PSMD12: variants seen among roughly 807,000 people sequenced by gnomAD.
PSMD12 encodes the protein 26S proteasome non-ATPase regulatory subunit 12.
In PSMD12, 8 loss-of-function variants were observed where a neutral mutation model predicts 62.9. The ratio of observed to expected loss-of-function variants is 0.13; its 90% CI spans 0.07 to 0.23. The LOEUF is 0.23. Among genes scored for constraint, PSMD12 ranks in the 10% least tolerant of loss-of-function variants. PSMD12 has a pLI of 1.00. For synonymous variants in PSMD12, 173 were observed against 187.4 expected (o/e 0.92, Z 0.63); for missense variants, 424 against 550.2 (o/e 0.77, Z 2.29).
At chr17:67,362,225 T>C (rs1206832132) in intron 1 of PSMD12, among the ~76,000 whole-genome samples, 1 of 152,140 alleles carries the variant, frequency 6.6e-6, no homozygotes, top group African/African-American at 2.4e-5. Context: ...ATACCATATC[T>C]TTACAGTGCA....
At chr17:67,360,918 T>C (rs1418623094) in intron 1 of PSMD12, among the ~76,000 whole-genome samples, 1 of 152,250 alleles carries the variant, frequency 6.6e-6, no homozygotes, top group African/African-American at 2.4e-5. Flanking sequence ...TTTCATTTAA[T>C]ACAATTTCCA....
At position 67,366,395 on chromosome 17, in the gene PSMD12, A is replaced by G. The variant is rs1420675960; in HGVS notation, c.108+17T>C. 7 of 1,602,980 alleles carry G rather than the reference A, an allele frequency of 4.4e-6. No homozygotes were observed. The highest frequency in any genetic ancestry group is 1.3e-5 in the African/African-American group (1 of 74,676). On this transcript the variant is annotated intron_variant, in intron 1 of 10. Coordinates refer to ENST00000356126, the MANE Select transcript of PSMD12 (RefSeq NM_002816.5). ...CAGCCCCTGGCGCCCGCCAACAGCC[A>G]GCCGGCCTCTCCTCACCTTGGCTAG...
chr17:67,347,776 C>T (rs1056705615), intron 5 of PSMD12, among the ~76,000 whole-genome samples: 1 of 152,094 alleles, frequency 6.6e-6, no homozygotes, highest in Non-Finnish European at 1.5e-5. Context: ...TCATACTGTC[C>T]CTTTATAATC....
intron 9 of PSMD12, among the ~76,000 whole-genome samples, chr17:67,343,987 A>G (rs913703419): frequency 2.0e-5 from 3 of 151,650 alleles, no homozygotes; most frequent in Admixed American, 1.3e-4. Flanking sequence ...CACAGGTGTG[A>G]GCCACCACGC....
intron 3 of PSMD12, among the ~76,000 whole-genome samples, chr17:67,356,294 GATAAT>G (rs1161872081): frequency 2.6e-5 from 4 of 151,900 alleles, no homozygotes; most frequent in Admixed American, 2.6e-4. Context: ...CATATATTGG[GATAAT>G]ATAAGAAAAT....
chr17:67,357,661 A>G, intron 1 of PSMD12, 83 bp from the exon 2 acceptor site: 2 of 1,401,376 alleles, frequency 1.4e-6, no homozygotes, highest in Non-Finnish European at 2.0e-6. Flanking sequence ...TTTGACACAG[A>G]AAAGGAAAAA....
rs189100103 is a variant in PSMD12, at chr17:67,349,209, G to T, written c.406-555C>A. Among the ~76,000 whole-genome samples the T allele has an allele frequency of 1.6e-3, 244 of 152,238 alleles. 1 individual carries two copies. The highest frequency in any genetic ancestry group is 2.7e-3 in the Non-Finnish European group (186 of 68,008). ...TAATTTTGTATTTTTAGTAGAGAGG[G>T]TGTTTCTCCATGTTGGTCAAGCTGG... is the stretch of plus-strand genomic sequence containing the variant. On this transcript the variant is annotated intron_variant, in intron 4 of 10. Transcript: ENST00000356126.
At chr17:67,345,893 G>T in intron 7 of PSMD12, 36 bp from the exon 8 acceptor site, 2 of 1,517,140 alleles carry the variant, frequency 1.3e-6, no homozygotes, top group South Asian at 2.3e-5. Flanking sequence ...ATGCAAGACT[G>T]GACATAATGG....
intron 9 of PSMD12, among the ~76,000 whole-genome samples, chr17:67,344,136 C>T (rs192721003): frequency 2.0e-5 from 3 of 152,274 alleles, no homozygotes; most frequent in Admixed American, 6.5e-5. Context: ...GGCAGTGATA[C>T]TAAAAAGATC....
At chr17:67,351,335 T>G (rs2042015098) in intron 3 of PSMD12, among the ~76,000 whole-genome samples, 2 of 151,596 alleles carry the variant, frequency 1.3e-5, no homozygotes, top group Middle Eastern at 3.4e-3. Context: ...GAGCTTGCAG[T>G]AAGCCAAGAT....
chr17:67,357,305 G>C lies in PSMD12; in HGVS notation c.295C>G (p.Gln99Glu), dbSNP rs1157615340. Residue 99 changes from glutamine (Q) to glutamate (E), a missense_variant and splice_region_variant, in exon 3 of 11, where the codon CAA (glutamine) becomes GAA (glutamate). Coordinates refer to ENST00000356126, the MANE Select transcript of PSMD12 (RefSeq NM_002816.5). ...LLSKRRSQLKQAVAKMVQQCC... is the reference protein window; with the variant it reads ...LLSKRRSQLKEAVAKMVQQCC... ...AGCAGACATGATCATGAACTCACTT[G>C]TTTTAACTGACTCCGCCTTTTGGAC... 1 of 1,611,168 alleles carries C rather than the reference G, an allele frequency of 6.2e-7. No individual in the cohort carries two copies. Among genetic ancestry groups the C allele is most frequent in the Non-Finnish European group, 8.5e-7 (1 of 1,179,542 alleles).
chr17:67,348,608 G>C lies in PSMD12; in HGVS notation c.452C>G (p.Thr151Ser), dbSNP rs763447217. 9.9e-6 allele frequency: 16 copies of C among 1,613,448 alleles called. No individual in the cohort carries two copies. The highest frequency in any genetic ancestry group is 1.4e-5 in the Non-Finnish European group (16 of 1,179,952). Residue 151 changes from threonine to serine, a missense_variant, in exon 5 of 11, where the codon ACT (threonine) becomes AGT (serine). Transcript: ENST00000356126. ...ERARLTKTLA[T>S]IKEQNGDVKE... ...CACATCACCATTTTGTTCTTTTATA[G>C]TTGCTAATGTTTTAGTCAGTCGCGC... is the stretch of plus-strand genomic sequence containing the variant.
At chr17:67,356,522 C>T (rs1412427937) in intron 3 of PSMD12, among the ~76,000 whole-genome samples, 1 of 112,484 alleles carries the variant, frequency 8.9e-6, no homozygotes, top group Non-Finnish European at 1.7e-5. Flanking sequence ...CGCGCCACTG[C>T]ACTCCAGCCT....
chr17:67,365,064 G>T (rs1409678353), intron 1 of PSMD12, among the ~76,000 whole-genome samples: 1 of 151,912 alleles, frequency 6.6e-6, no homozygotes, highest in African/African-American at 2.4e-5. Context: ...GGCACCTGTA[G>T]TCCTAGCTAC....
At chr17:67,353,721 G>C (rs2042041163) in intron 3 of PSMD12, among the ~76,000 whole-genome samples, 1 of 152,158 alleles carries the variant, frequency 6.6e-6, no homozygotes, top group South Asian at 2.1e-4. Context: ...AGACATTTAT[G>C]TTTCCTAAGA....
chr17:67,357,979 T>C (rs1258546573), intron 1 of PSMD12, among the ~76,000 whole-genome samples: 1 of 152,028 alleles, frequency 6.6e-6, no homozygotes, highest in Admixed American at 6.6e-5. Context: ...TGAAGTGCAG[T>C]GGCACCATCT....
In PSMD12 at chr17:67,344,591, A is replaced by G; in HGVS notation, c.1083+15T>C. On this transcript the variant is annotated intron_variant, in intron 9 of 10. Coordinates refer to ENST00000356126, the MANE Select transcript of PSMD12 (RefSeq NM_002816.5). ...GGTTAAAATAAAAATTGTCATCTCT[A>G]TGACAGATTCTTACATGTTCAACAA... The G allele has an allele frequency of 1.3e-6, 2 of 1,578,908 alleles. No homozygotes were observed. Among genetic ancestry groups the G allele is most frequent in the Non-Finnish European group, 1.7e-6 (2 of 1,159,508 alleles).
Position 67,342,277 on chromosome 17 carries a change from A to G in PSMD12, c.1084-14T>C. ...TATTCTAATATTCTGGGGAGAGGAT[A>G]GAGAGCAGGGAGAACACGTAACATT... On this transcript the variant is annotated splice_polypyrimidine_tract_variant and intron_variant, in intron 9 of 10. Coordinates refer to ENST00000356126, the MANE Select transcript of PSMD12 (RefSeq NM_002816.5). The G allele has an allele frequency of 6.6e-7, 1 of 1,513,368 alleles. No homozygotes were observed. The highest frequency in any genetic ancestry group is 9.2e-7 in the Non-Finnish European group (1 of 1,091,364). 93.7% of individuals were successfully genotyped at this position (1,513,368 alleles called of 1,614,324 possible).
chr17:67,357,366 T>C lies in PSMD12; in HGVS notation c.234A>G (p.Lys78=), dbSNP rs2042084759. The part of the protein sequence containing the change: ...VAVVKMCYEA[K]EWDLLNENIM... ...TATTTTCATTAAGTAAATCCCATTC[T>C]TTAGCCTCATAGCACATCTTCACTA... The change falls in exon 3 of 11, where the codon AAA becomes AAG. Residue 78 remains lysine (K), a synonymous_variant. Coordinates refer to ENST00000356126, the MANE Select transcript of PSMD12 (RefSeq NM_002816.5). 4.3e-6 allele frequency: 7 copies of C among 1,613,734 alleles called. No homozygotes were observed. The South Asian group carries it at 7.7e-5, about 18-fold the overall frequency.
Sources: allele counts gnomAD v4.1 joint callset (sites outside exome capture counted in the v4.1 genomes callset), GRCh38; gene constraint gnomAD v4.1.1; transcripts MANE v1.5; gene names NCBI Gene and HGNC (gene_info 2026-07-23, HGNC 2026-07-21).